The following MECOM variants were observed in gnomAD, a reference collection of about 807,000 sequenced individuals.
The protein encoded by MECOM is histone-lysine N-methyltransferase MECOM.
In MECOM, 13 loss-of-function variants were observed where a neutral mutation model predicts 116.3. That is an observed-to-expected ratio of 0.11 (90% CI 0.07 to 0.18). The LOEUF is 0.18. MECOM is among the 10% of genes least tolerant of loss of function. MECOM has a pLI of 1.00. For missense variants in MECOM, 1,299 were observed against 1,509.0 expected (o/e 0.86, Z 2.31); for synonymous variants, 528 against 535.2 (o/e 0.99, Z 0.19).
intron 2 of MECOM, among the ~76,000 whole-genome samples, chr3:169,159,403 C>CA (rs1359330916): frequency 1.3e-5 from 2 of 151,832 alleles, no homozygotes; most frequent in African/African-American, 2.4e-5. Flanking sequence ...ACTAAAAATA[C>CA]AAAAAATTAG....
intron 2 of MECOM, among the ~76,000 whole-genome samples, chr3:169,172,971 G>A (rs957525637): frequency 2.0e-5 from 3 of 152,026 alleles, no homozygotes; most frequent in African/African-American, 4.8e-5. Context: ...CCAGTTAAAG[G>A]ATTGTTATTA....
intron 1 of MECOM, among the ~76,000 whole-genome samples, chr3:169,485,932 A>AT (rs1162142984): frequency 1.0e-4 from 3 of 28,662 alleles, no homozygotes; most frequent in Admixed American, 3.5e-4. Flanking sequence ...TAGTATATAT[A>AT]GTATATATGT....
chr3:169,194,068 A>C (rs1748070904), intron 2 of MECOM, among the ~76,000 whole-genome samples: 1 of 152,102 alleles, frequency 6.6e-6, no homozygotes, highest in Admixed American at 6.6e-5. Context: ...TGACTCATAT[A>C]TGCTTTTCAA....
rs182645752 is a variant in MECOM, at chr3:169,356,493, G to A, written c.375+24694C>T. Among the ~76,000 whole-genome samples, 4 of 151,948 alleles carry A rather than the reference G, an allele frequency of 2.6e-5. No individual in the cohort carries two copies. The East Asian group carries it at 7.8e-4, about 30-fold the overall frequency. On this transcript the variant is annotated intron_variant, in intron 2 of 16. Coordinates refer to ENST00000651503, the MANE Select transcript of MECOM (RefSeq NM_004991.4). ...ACTGACTGTCTGTCTGGGGTACCGC[G>A]ATAACATCTGCATTCACTCAGTATG...
intron 2 of MECOM, among the ~76,000 whole-genome samples, chr3:169,304,834 G>A (rs1717375074): frequency 6.6e-6 from 1 of 152,092 alleles, no homozygotes; most frequent in African/African-American, 2.4e-5. Context: ...CCATCTTAGA[G>A]TTAGTTTTTA....
chr3:169,330,294 G>A (rs530567581), intron 2 of MECOM, among the ~76,000 whole-genome samples: 83 of 152,274 alleles, frequency 5.5e-4, no homozygotes, highest in African/African-American at 1.7e-3. Flanking sequence ...TAAGTGCTGG[G>A]ATTTCAGGCA....
At chr3:169,142,644 T>A (rs1247096707) in intron 3 of MECOM, among the ~76,000 whole-genome samples, 1 of 152,020 alleles carries the variant, frequency 6.6e-6, no homozygotes, top group African/African-American at 2.4e-5. Context: ...CATTTAAACC[T>A]AATTTTACAA....
chr3:169,123,252 A>G (rs986170336), intron 5 of MECOM, among the ~76,000 whole-genome samples: 1 of 151,456 alleles, frequency 6.6e-6, no homozygotes, highest in African/African-American at 2.4e-5. Flanking sequence ...TAGTGAATCT[A>G]GGATGGACAG....
chr3:169,395,941 T>C (rs1293851771), intron 1 of MECOM, among the ~76,000 whole-genome samples: 1 of 152,130 alleles, frequency 6.6e-6, no homozygotes, highest in African/African-American at 2.4e-5. Flanking sequence ...ATAAAATTTG[T>C]TAAATAAATA....
At chr3:169,305,922 T>C (rs987082684) in intron 2 of MECOM, among the ~76,000 whole-genome samples, 3 of 152,146 alleles carry the variant, frequency 2.0e-5, no homozygotes, top group African/African-American at 7.2e-5. Context: ...GGAATGTCTC[T>C]CCACCTAGAC....
intron 1 of MECOM, among the ~76,000 whole-genome samples, chr3:169,565,623 C>T (rs1188220144): frequency 1.3e-5 from 2 of 152,204 alleles, no homozygotes; most frequent in South Asian, 2.1e-4. Context: ...CCTGAGACTT[C>T]CCAGCTTCCC....
chr3:169,586,709 G>C (rs1418531266), intron 1 of MECOM, among the ~76,000 whole-genome samples: 10 of 152,178 alleles, frequency 6.6e-5, no homozygotes, highest in Non-Finnish European at 1.5e-4. Flanking sequence ...ACCCAGACAG[G>C]AGACTGAATT....
intron 16 of MECOM, among the ~76,000 whole-genome samples, chr3:169,086,095 GC>G (rs1210856006): frequency 6.6e-6 from 1 of 152,152 alleles, no homozygotes; most frequent in Admixed American, 6.5e-5. Context: ...CGTAATCATT[GC>G]ATTTAGTTAG....
intron 5 of MECOM, among the ~76,000 whole-genome samples, chr3:169,126,307 T>C (rs182500019): frequency 2.0e-5 from 3 of 152,228 alleles, no homozygotes; most frequent in Admixed American, 1.3e-4. Context: ...TAGTGTTTAG[T>C]TGGTCAATTT....
At chr3:169,548,409 G>A (rs1657316669) in intron 1 of MECOM, among the ~76,000 whole-genome samples, 1 of 152,168 alleles carries the variant, frequency 6.6e-6, no homozygotes, top group Non-Finnish European at 1.5e-5. Context: ...AAAAGCAGCA[G>A]TCATAATTGG....
intron 1 of MECOM, among the ~76,000 whole-genome samples, chr3:169,426,640 T>C (rs1053423517): frequency 6.6e-6 from 1 of 152,216 alleles, no homozygotes; most frequent in Admixed American, 6.5e-5. Context: ...ATGAAACATA[T>C]GAGAACCAGT....
chr3:169,325,149 G>T (rs779575224), intron 2 of MECOM, among the ~76,000 whole-genome samples: 6 of 152,130 alleles, frequency 3.9e-5, no homozygotes, highest in Non-Finnish European at 7.3e-5. Flanking sequence ...GCACCCCGAG[G>T]TGGACACTGC....
chr3:169,599,558 A>G (rs901395055), intron 1 of MECOM, among the ~76,000 whole-genome samples: 1 of 151,960 alleles, frequency 6.6e-6, no homozygotes, highest in Non-Finnish European at 1.5e-5. Flanking sequence ...GAAAAACTAC[A>G]TAGTGAAAGT....
chr3:169,509,174 T>C lies in MECOM; in HGVS notation c.38-127650A>G, dbSNP rs570183350. Among the ~76,000 whole-genome samples, 8 of 152,284 alleles carry C rather than the reference T, an allele frequency of 5.3e-5. No homozygotes were observed. The South Asian group carries it at 1.7e-3, about 32-fold the overall frequency. On this transcript the variant is annotated intron_variant, in intron 1 of 16. Coordinates refer to ENST00000651503, the MANE Select transcript of MECOM (RefSeq NM_004991.4). ...ACTAGAACTTGGTGTTAAAAGTGAA[T>C]GGCCCATTTGTCAGGAGCAGGCTCC...
Sources: allele counts gnomAD v4.1 joint callset (sites outside exome capture counted in the v4.1 genomes callset), GRCh38; gene constraint gnomAD v4.1.1; transcripts MANE v1.5; gene names NCBI Gene and HGNC (gene_info 2026-07-23, HGNC 2026-07-21).